The following FAM53B variants were observed in gnomAD, a reference collection of about 807,000 sequenced individuals.
The protein encoded by FAM53B is protein FAM53B.
FAM53B carries 12 observed loss-of-function variants against 32.7 expected under a neutral mutation model. The observed-to-expected ratio is 0.37, with a 90% CI of 0.24 to 0.59. The LOEUF is 0.59. FAM53B is among the 20% of genes least tolerant of loss of function. The pLI is 0.72. For missense variants in FAM53B, 477 were observed against 577.7 expected (o/e 0.83, Z 1.79); for synonymous variants, 234 against 228.7 (o/e 1.02, Z -0.21).
At chr10:124,711,476 G>A (rs1290910741) in intron 1 of FAM53B, among the ~76,000 whole-genome samples, 3 of 151,944 alleles carry the variant, frequency 2.0e-5, no homozygotes, top group Non-Finnish European at 4.4e-5. Context: ...AGCGAGTAAG[G>A]GATATGCGAG....
In FAM53B at chr10:124,681,820, G is replaced by A; in HGVS notation, c.693C>T (p.Cys231=). Residue 231 remains cysteine, a synonymous_variant, in exon 4 of 5, where the codon TGC becomes TGT. Transcript: ENST00000337318. ...GRLDLQRSLS[C]SHEQFSFVEY... is the part of the protein sequence containing the mutation. ...CCACAAAGGAAAACTGCTCATGTGA[G>A]CAAGAGAGGGACCGCTGCAGGTCCA... The A allele has an allele frequency of 6.2e-7, 1 of 1,611,410 alleles. No individual in the cohort carries two copies.
intron 1 of FAM53B, among the ~76,000 whole-genome samples, chr10:124,725,761 T>C (rs1032739672): frequency 2.6e-5 from 4 of 152,196 alleles, no homozygotes; most frequent in Middle Eastern, 3.2e-3. Flanking sequence ...TCTCCAACTA[T>C]CACGGTGAGA....
At chr10:124,634,827 G>T (rs1347576603) in intron 4 of FAM53B, among the ~76,000 whole-genome samples, 1 of 152,134 alleles carries the variant, frequency 6.6e-6, no homozygotes. Flanking sequence ...CTTTTGAGGT[G>T]ATAAAAATGT....
chr10:124,650,752 C>A (rs1455475746), intron 4 of FAM53B, among the ~76,000 whole-genome samples: 1 of 152,128 alleles, frequency 6.6e-6, no homozygotes. Context: ...AATTTCCAGA[C>A]TATTTCCCCA....
intron 4 of FAM53B, among the ~76,000 whole-genome samples, chr10:124,658,493 T>G (rs913549628): frequency 6.6e-6 from 1 of 152,194 alleles, no homozygotes; most frequent in East Asian, 1.9e-4. Context: ...AAGAGGAGTA[T>G]TCTTCACCCC....
intron 4 of FAM53B, among the ~76,000 whole-genome samples, chr10:124,678,905 G>T (rs927344516): frequency 6.6e-6 from 1 of 152,168 alleles, no homozygotes; most frequent in Non-Finnish European, 1.5e-5. Context: ...CTCAAGATCT[G>T]CTCTAGGCCC....
Position 124,621,982 on chromosome 10 carries a change from A to C in FAM53B, c.*1260T>G, listed in dbSNP as rs529292073. The C allele has an allele frequency of 3.3e-5, 5 of 152,498 alleles. No individual in the cohort carries two copies. The highest frequency in any genetic ancestry group is 9.6e-5 in the African/African-American group (4 of 41,540). 9.4% of individuals were successfully genotyped at this position (152,498 alleles called of 1,614,324 possible). ...CAAGGCAGCCGGAGAGGAGCTACAA[A>C]CCTTGAGAGGAGAGCAAACCCTCAG... On this transcript the variant is annotated 3_prime_UTR_variant, in exon 5 of 5. Transcript: ENST00000337318.
intron 4 of FAM53B, among the ~76,000 whole-genome samples, chr10:124,661,885 C>T (rs888836001): frequency 6.6e-6 from 1 of 152,226 alleles, no homozygotes; most frequent in Non-Finnish European, 1.5e-5. Flanking sequence ...TAGCAGGGGC[C>T]AGAGCAAGCT....
At chr10:124,736,272 C>T (rs1950173697) in intron 1 of FAM53B, among the ~76,000 whole-genome samples, 1 of 152,274 alleles carries the variant, frequency 6.6e-6, no homozygotes, top group South Asian at 2.1e-4. Flanking sequence ...TGCCCACTAC[C>T]TTCCAGCCAG....
intron 4 of FAM53B, among the ~76,000 whole-genome samples, chr10:124,662,457 CCCACCCATCCATCCAT>C (rs1440791762): frequency 2.2e-5 from 2 of 90,880 alleles, no homozygotes; most frequent in African/African-American, 3.3e-5. Flanking sequence ...CACACACCCA[CCCACCCATCCATCCAT>C]CCATCCATCC....
At chr10:124,662,402 TTG>T (rs954905356) in intron 4 of FAM53B, among the ~76,000 whole-genome samples, 17 of 152,062 alleles carry the variant, frequency 1.1e-4, no homozygotes, top group African/African-American at 2.4e-4. Context: ...CTGCCTCAGT[TTG>T]TGAGTTCGTT....
intron 4 of FAM53B, among the ~76,000 whole-genome samples, chr10:124,677,590 G>GA (rs1949744418): frequency 6.6e-6 from 1 of 152,230 alleles, no homozygotes; most frequent in Admixed American, 6.5e-5. Context: ...GGCTTTCCTC[G>GA]CTACAGTCAG....
At chr10:124,707,924 C>G (rs1217169364) in intron 1 of FAM53B, 1 of 152,232 alleles carries the variant, frequency 6.6e-6, no homozygotes, top group Non-Finnish European at 1.5e-5. Context: ...TATCCGCAGC[C>G]CCTCTCCGAT....
chr10:124,653,805 A>T (rs1949570154), intron 4 of FAM53B, among the ~76,000 whole-genome samples: 1 of 152,194 alleles, frequency 6.6e-6, no homozygotes, highest in South Asian at 2.1e-4. Flanking sequence ...TGCTGGACAG[A>T]TGGGGGAGTC....
chr10:124,690,627 T>A (rs907108944), intron 3 of FAM53B, among the ~76,000 whole-genome samples: 3 of 152,252 alleles, frequency 2.0e-5, no homozygotes, highest in African/African-American at 7.2e-5. Flanking sequence ...ACATTTTACA[T>A]CTACTTCCAT....
chr10:124,700,936 A>G (rs562666816), intron 2 of FAM53B, among the ~76,000 whole-genome samples: 1 of 152,298 alleles, frequency 6.6e-6, no homozygotes, highest in South Asian at 2.1e-4. Flanking sequence ...TCGAAAGCAA[A>G]AAGGAGATCC....
At chr10:124,718,319 G>C (rs992074669) in intron 1 of FAM53B, among the ~76,000 whole-genome samples, 1 of 152,142 alleles carries the variant, frequency 6.6e-6, no homozygotes, top group Admixed American at 6.5e-5. Context: ...TGATCTGACT[G>C]AGTCATATCT....
intron 1 of FAM53B, among the ~76,000 whole-genome samples, chr10:124,710,692 G>C (rs1203180979): frequency 6.6e-6 from 1 of 152,256 alleles, no homozygotes; most frequent in Non-Finnish European, 1.5e-5. Context: ...CCATGGTCTA[G>C]TGGGTTTTCT....
At position 124,727,826 on chromosome 10, in the gene FAM53B, AAAG is replaced by A. The variant is rs1412400099; in HGVS notation, c.-175+16184_-175+16186del. Among the ~76,000 whole-genome samples, 5 of 152,158 alleles carry A rather than the reference AAAG, an allele frequency of 3.3e-5. No individual in the cohort carries two copies. The East Asian group carries it at 7.7e-4, about 23-fold the overall frequency. On this transcript the variant is annotated intron_variant, in intron 1 of 4. Transcript: ENST00000337318. ...AGCTAACTGTGGTGGGCTGTTTGGG[AAAG>A]AAGATCCAGGCTACTATTAAAATTT...
Sources: allele counts gnomAD v4.1 joint callset (sites outside exome capture counted in the v4.1 genomes callset), GRCh38; gene constraint gnomAD v4.1.1; transcripts MANE v1.5; gene names NCBI Gene and HGNC (gene_info 2026-07-23, HGNC 2026-07-21).